Variants in ACSS3 observed in about 807,000 individuals in gnomAD.
ACSS3 encodes acyl-CoA synthetase short-chain family member 3, mitochondrial.
In ACSS3, 64 loss-of-function variants were observed where a neutral mutation model predicts 84.2. The observed-to-expected ratio is 0.76, with a 90% CI of 0.62 to 0.94. The LOEUF is 0.94. Among genes scored for constraint, ACSS3 ranks in the 40% least tolerant of loss-of-function variants. ACSS3 has a pLI of 0.00. For missense variants in ACSS3, 815 were observed against 867.6 expected (o/e 0.94, Z 0.76); for synonymous variants, 317 against 310.1 (o/e 1.02, Z -0.23).
At chr12:81,104,360 G>A (rs1367032443) in intron 1 of ACSS3, among the ~76,000 whole-genome samples, 1 of 152,092 alleles carries the variant, frequency 6.6e-6, no homozygotes, top group Non-Finnish European at 1.5e-5. Context: ...AAACTTTTAG[G>A]TGAGTGCTGT....
intron 8 of ACSS3, among the ~76,000 whole-genome samples, chr12:81,193,792 T>A (rs950551560): frequency 2.0e-5 from 3 of 151,724 alleles, no homozygotes; most frequent in African/African-American, 7.3e-5. Context: ...TATTGTAAGT[T>A]TTTTTTTAAT....
chr12:81,170,420 T>C (rs2029945419), intron 7 of ACSS3, among the ~76,000 whole-genome samples: 1 of 152,164 alleles, frequency 6.6e-6, no homozygotes, highest in East Asian at 1.9e-4. Flanking sequence ...CTTGCTAATA[T>C]TAGCAATTGA....
intron 13 of ACSS3, among the ~76,000 whole-genome samples, chr12:81,235,580 T>G (rs980546021): frequency 1.3e-5 from 2 of 151,436 alleles, no homozygotes; most frequent in African/African-American, 4.8e-5. Context: ...TGGAGAAAAA[T>G]TGCTATTTCA....
At chr12:81,083,094 T>C (rs1881088548) in intron 1 of ACSS3, among the ~76,000 whole-genome samples, 1 of 152,154 alleles carries the variant, frequency 6.6e-6, no homozygotes. Context: ...CAAGTGTCCT[T>C]AGAGGATAGT....
intron 12 of ACSS3, among the ~76,000 whole-genome samples, chr12:81,232,819 C>T (rs2033510390): frequency 6.6e-6 from 1 of 151,612 alleles, no homozygotes; most frequent in African/African-American, 2.4e-5. Context: ...TCTTATTCTA[C>T]TGTCATTTCT....
chr12:81,202,986 G>A (rs1199047817), intron 9 of ACSS3, among the ~76,000 whole-genome samples: 1 of 152,164 alleles, frequency 6.6e-6, no homozygotes, highest in Non-Finnish European at 1.5e-5. Flanking sequence ...AGACTGAGAA[G>A]TCCTGTAATA....
Position 81,156,431 on chromosome 12 carries a change from C to A in ACSS3, c.1098+4335C>A, listed in dbSNP as rs146402937. On this transcript the variant is annotated intron_variant, in intron 7 of 15. Coordinates refer to ENST00000548058, the MANE Select transcript of ACSS3 (RefSeq NM_024560.4). The stretch of plus-strand genomic sequence containing the variant: ...AAGAGGAACAAAATATACCTAAAAC[C>A]AGGAAGGAATAATAAAGGTAAAAGC... 5.0e-3 allele frequency among the ~76,000 whole-genome samples: 761 copies of A among 151,872 alleles called. 11 individuals carry two copies. The highest frequency in any genetic ancestry group is 0.014 in the African/African-American group (593 of 41,424).
At chr12:81,226,496 T>G (rs1353665004) in intron 11 of ACSS3, among the ~76,000 whole-genome samples, 2 of 151,894 alleles carry the variant, frequency 1.3e-5, no homozygotes, top group Non-Finnish European at 2.9e-5. Context: ...ATCTGTCTTC[T>G]GATTTCAGAC....
chr12:81,174,817 CG>C lies in ACSS3; in HGVS notation c.1129del (p.Ala377LeufsTer11), dbSNP rs747340180. 6.2e-7 allele frequency: 1 copy of C among 1,613,548 alleles called. No individual in the cohort carries two copies. The highest frequency in any genetic ancestry group is 8.5e-7 in the Non-Finnish European group (1 of 1,179,726). On this transcript the variant is annotated frameshift_variant, in exon 8 of 16. Transcript: ENST00000548058. LOFTEE classifies it high-confidence loss of function. ...AGCCTGTGGGAACACCAGATGCTGG[CG>C]CTTATTTCCGTGTGCTTGCAGAGCA... is the stretch of plus-strand genomic sequence containing the variant. The part of the protein sequence containing the change: ...GKPVGTPDAG[A>X]YFRVLAEHGV...
intron 1 of ACSS3, among the ~76,000 whole-genome samples, chr12:81,097,079 A>T (rs1882117352): frequency 6.6e-6 from 1 of 152,162 alleles, no homozygotes; most frequent in African/African-American, 2.4e-5. Flanking sequence ...TTTAAATTTT[A>T]TTGTATTTTA....
At chr12:81,185,785 A>T (rs537428028) in intron 8 of ACSS3, among the ~76,000 whole-genome samples, 9 of 151,960 alleles carry the variant, frequency 5.9e-5, no homozygotes, top group Non-Finnish European at 1.3e-4. Flanking sequence ...CATACTATCA[A>T]GAGCAATACA....
intron 8 of ACSS3, 118 bp from the exon 9 acceptor site, chr12:81,199,223 T>C: frequency 1.2e-6 from 1 of 822,444 alleles, no homozygotes; most frequent in Admixed American, 2.7e-5. Context: ...GATGTATTGG[T>C]TATATTGCTG....
chr12:81,088,004 T>G (rs1881429065), intron 1 of ACSS3, among the ~76,000 whole-genome samples: 1 of 152,140 alleles, frequency 6.6e-6, no homozygotes, highest in African/African-American at 2.4e-5. Context: ...TTTTGTGTTG[T>G]TTCTTTTCTC....
intron 7 of ACSS3, among the ~76,000 whole-genome samples, chr12:81,171,602 C>T (rs1261021857): frequency 6.6e-6 from 1 of 152,044 alleles, no homozygotes; most frequent in Non-Finnish European, 1.5e-5. Flanking sequence ...AATAGTAATG[C>T]TACATTATCA....
chr12:81,252,229 A>T (rs2034176412), intron 13 of ACSS3, among the ~76,000 whole-genome samples: 1 of 152,116 alleles, frequency 6.6e-6, no homozygotes, highest in African/African-American at 2.4e-5. Context: ...TGTATCTTTC[A>T]TATAAAAAAA....
intron 9 of ACSS3, among the ~76,000 whole-genome samples, chr12:81,203,947 A>G (rs2032226202): frequency 6.6e-6 from 1 of 152,186 alleles, no homozygotes; most frequent in Non-Finnish European, 1.5e-5. Context: ...GGAAAACAAA[A>G]AGATAATGGT....
chr12:81,254,057 T>C (rs1397959943), intron 15 of ACSS3, among the ~76,000 whole-genome samples: 1 of 152,102 alleles, frequency 6.6e-6, no homozygotes, highest in Non-Finnish European at 1.5e-5. Flanking sequence ...CATAAGTAGT[T>C]GGGACTACAG....
rs536835025 is a variant in ACSS3 at position 81,164,365 on chromosome 12, T to C, written c.1099-10423T>C. On this transcript the variant is annotated intron_variant, in intron 7 of 15. Transcript: ENST00000548058. ...TGTATAAATACACTCTGTGAGGTTT[T>C]CACAATGCTAAAATCACCTAAAGAT... Among the ~76,000 whole-genome samples, 3 of 152,278 alleles carry C rather than the reference T, an allele frequency of 2.0e-5. No individual in the cohort carries two copies. In the South Asian group the frequency reaches 6.2e-4, roughly 32 times the overall value.
chr12:81,242,035 A>G (rs1487305658), intron 13 of ACSS3, among the ~76,000 whole-genome samples: 2 of 152,140 alleles, frequency 1.3e-5, no homozygotes, highest in Non-Finnish European at 2.9e-5. Flanking sequence ...GAAGGGATCC[A>G]GTTTCAGCTT....
Sources: allele counts gnomAD v4.1 joint callset (sites outside exome capture counted in the v4.1 genomes callset), GRCh38; gene constraint gnomAD v4.1.1; transcripts MANE v1.5; gene names NCBI Gene and HGNC (gene_info 2026-07-23, HGNC 2026-07-21).